The following AP1G1 variants were observed in gnomAD, a reference collection of about 807,000 sequenced individuals.
AP1G1 encodes adaptor related protein complex 1 subunit gamma 1.
A neutral mutation model predicts 108.3 loss-of-function variants in AP1G1; 7 were observed. The observed-to-expected ratio is 0.06, with a 90% confidence interval of 0.04 to 0.12. The LOEUF is 0.12. Among genes scored for constraint, AP1G1 ranks in the 10% least tolerant of loss-of-function variants. AP1G1 has a pLI of 1.00. For missense variants in AP1G1, 756 were observed against 1,010.7 expected (o/e 0.75, Z 3.42); for synonymous variants, 379 against 353.5 (o/e 1.07, Z -0.81).
At chr16:71,778,110 TAAC>T (rs1325014074) in intron 2 of AP1G1, among the ~76,000 whole-genome samples, 5 of 151,856 alleles carry the variant, frequency 3.3e-5, no homozygotes, top group South Asian at 2.1e-4. Flanking sequence ...ACAAAACAAA[TAAC>T]AACAACAAAA....
chr16:71,746,602 T>C lies in AP1G1; in HGVS notation c.1716A>G (p.Lys572=). 1.2e-6 allele frequency: 2 copies of C among 1,608,894 alleles called. No individual in the cohort carries two copies. Among genetic ancestry groups the C allele is most frequent in the African/African-American group, 2.7e-5 (2 of 74,986 alleles). ...RAVEYNALFK[K]YDHMRSALLE... is the part of the protein sequence containing the mutation. ...CTTTCGCTCACCTCATGTGGTCATA[T>C]TTCTTGAAAAGTGCATTATATTCTA... Residue 572 remains lysine, a synonymous_variant, in exon 17 of 23, where the codon AAA becomes AAG. Transcript: ENST00000299980.
chr16:71,736,752 A>ATTTT (rs10590605), intron 21 of AP1G1, among the ~76,000 whole-genome samples: 1 of 123,948 alleles, frequency 8.1e-6, no homozygotes, highest in African/African-American at 3.1e-5. Flanking sequence ...CGCCCGGCTA[A>ATTTT]TTTTTTTTTT....
At chr16:71,807,909 T>C (rs775375081) in intron 1 of AP1G1, 13 of 1,283,612 alleles carry the variant, frequency 1.0e-5, no homozygotes, top group Non-Finnish European at 1.3e-5. Flanking sequence ...AAGCTAAGTA[T>C]TCAGCACAGG....
chr16:71,760,252 CAG>C (rs2031015396), intron 10 of AP1G1, among the ~76,000 whole-genome samples: 2 of 136,650 alleles, frequency 1.5e-5, no homozygotes, highest in African/African-American at 2.7e-5. Flanking sequence ...TTTTTTGAAA[CAG>C]GGTCTCGGCC....
At chr16:71,775,851 T>C (rs1332326168) in intron 2 of AP1G1, among the ~76,000 whole-genome samples, 1 of 152,214 alleles carries the variant, frequency 6.6e-6, no homozygotes, top group African/African-American at 2.4e-5. Context: ...CTTCTTTACA[T>C]CATTGTTAGA....
intron 22 of AP1G1, among the ~76,000 whole-genome samples, chr16:71,734,070 A>G (rs1429323280): frequency 1.3e-5 from 2 of 152,262 alleles, no homozygotes; most frequent in Non-Finnish European, 2.9e-5. Flanking sequence ...ACTGTTACTT[A>G]TGAGCAACTA....
At chr16:71,801,466 G>A (rs368368898) in intron 1 of AP1G1, among the ~76,000 whole-genome samples, 16 of 152,046 alleles carry the variant, frequency 1.1e-4, no homozygotes, top group Admixed American at 2.0e-4. Flanking sequence ...ATATTGAAGC[G>A]TAAATTCATT....
At chr16:71,789,182 G>T in intron 2 of AP1G1, 97 bp downstream of exon 2, 1 of 1,109,556 alleles carries the variant, frequency 9.0e-7, no homozygotes, top group Non-Finnish European at 1.3e-6. Context: ...AGACTACAAG[G>T]CTATCAAAAG....
At position 71,731,554 on chromosome 16, in the gene AP1G1, T is replaced by C. The variant is rs547275857; in HGVS notation, c.*1504A>G. 6.5e-6 allele frequency: 1 copy of C among 152,740 alleles called. No individual in the cohort carries two copies. Among genetic ancestry groups the C allele is most frequent in the South Asian group, 2.1e-4 (1 of 4,824 alleles). The allele number at this position is 152,740 out of a possible 1,614,324, so 9.5% of individuals were successfully genotyped here. The stretch of plus-strand genomic sequence containing the variant: ...CCTCACTTTTTCTTTCTTCAGTATA[T>C]AAGACATGGCGCCTGAATACTTGAA... On this transcript the variant is annotated 3_prime_UTR_variant, in exon 23 of 23. Transcript: ENST00000299980.
In AP1G1 at chr16:71,755,874, G is replaced by A. The variant is rs1597050308; in HGVS notation, c.1229+145C>T. 4 of 823,172 alleles carry A rather than the reference G, an allele frequency of 4.9e-6. No individual in the cohort carries two copies. The East Asian group carries it at 7.9e-5, about 16-fold the overall frequency. The allele number at this position is 823,172 out of a possible 1,614,324, so 51.0% of individuals were successfully genotyped here. ...TTGGCCAGGCTGGTCTCGAACTCCT[G>A]ACTTCATGATCCACCTGCCTTGGCC... is the stretch of plus-strand genomic sequence containing the variant. On this transcript the variant is annotated intron_variant, in intron 12 of 22. Coordinates refer to ENST00000299980, the MANE Select transcript of AP1G1 (RefSeq NM_001128.6).
rs1416167770 is a variant in AP1G1 at position 71,776,899 on chromosome 16, C to A, written c.202-2307G>T. Among the ~76,000 whole-genome samples the A allele has an allele frequency of 3.3e-5, 5 of 151,884 alleles. No individual in the cohort carries two copies. The East Asian group carries it at 9.7e-4, about 29-fold the overall frequency. ...CCAAGGTGGATGGATCACCTGAGAT[C>A]AGGAGTTCGAGACCAGCCTGGTCAA... On this transcript the variant is annotated intron_variant, in intron 2 of 22. Coordinates refer to ENST00000299980, the MANE Select transcript of AP1G1 (RefSeq NM_001128.6).
In AP1G1 at chr16:71,781,231, C is replaced by T. The variant is rs537647352; in HGVS notation, c.202-6639G>A. Among the ~76,000 whole-genome samples, 9 of 152,136 alleles carry T rather than the reference C, an allele frequency of 5.9e-5. No homozygotes were observed. In the South Asian group the frequency reaches 1.0e-3, roughly 18 times the overall value. ...CTGCACTACCACTATGTAGGCCTGA[C>T]AACATAAAATCTATATAGACCAGAG... On this transcript the variant is annotated intron_variant, in intron 2 of 22. Coordinates refer to ENST00000299980, the MANE Select transcript of AP1G1 (RefSeq NM_001128.6).
intron 2 of AP1G1, among the ~76,000 whole-genome samples, chr16:71,779,342 T>C (rs1017212379): frequency 3.3e-5 from 5 of 151,852 alleles, no homozygotes; most frequent in African/African-American, 1.2e-4. Flanking sequence ...ATGACTCTCT[T>C]TTTTGGGGAG....
chr16:71,741,638 G>A (rs888963706), intron 19 of AP1G1, among the ~76,000 whole-genome samples: 3 of 152,060 alleles, frequency 2.0e-5, no homozygotes, highest in Non-Finnish European at 2.9e-5. Context: ...ATAGAAATAC[G>A]GATGGCTAAG....
chr16:71,762,174 C>T (rs1044025689), intron 9 of AP1G1, among the ~76,000 whole-genome samples: 4 of 151,986 alleles, frequency 2.6e-5, no homozygotes, highest in Admixed American at 2.0e-4. Context: ...TGGAATGTCA[C>T]GCAGCCATTA....
chr16:71,759,866 CATATA>C (rs2030995258), intron 10 of AP1G1, among the ~76,000 whole-genome samples: 2 of 152,008 alleles, frequency 1.3e-5, no homozygotes, highest in East Asian at 1.9e-4. Flanking sequence ...ACAAAAAGAG[CATATA>C]ATATGTCTTT....
chr16:71,805,435 A>T (rs993359206), intron 1 of AP1G1, among the ~76,000 whole-genome samples: 2 of 152,174 alleles, frequency 1.3e-5, no homozygotes, highest in African/African-American at 4.8e-5. Flanking sequence ...TGGGAGACAG[A>T]GTAAGACTTT....
chr16:71,742,039 T>C (rs972742966), intron 19 of AP1G1, among the ~76,000 whole-genome samples: 9 of 152,186 alleles, frequency 5.9e-5, no homozygotes, highest in Non-Finnish European at 1.2e-4. Flanking sequence ...TTAAGAAATC[T>C]AGAATTCAAA....
At chr16:71,776,832 A>T (rs866191893) in intron 2 of AP1G1, among the ~76,000 whole-genome samples, 1 of 152,106 alleles carries the variant, frequency 6.6e-6, no homozygotes, top group African/African-American at 2.4e-5. Flanking sequence ...AAGGCAGGCC[A>T]GGAGCAGTGG....
Sources: allele counts gnomAD v4.1 joint callset (sites outside exome capture counted in the v4.1 genomes callset), GRCh38; gene constraint gnomAD v4.1.1; transcripts MANE v1.5; gene names NCBI Gene and HGNC (gene_info 2026-07-23, HGNC 2026-07-21).